ASB3: variants seen among roughly 807,000 people sequenced by gnomAD.
ASB3 encodes the protein ankyrin repeat and SOCS box protein 3.
ASB3 carries 41 observed loss-of-function variants against 54.5 expected under a neutral mutation model. That is an observed-to-expected ratio of 0.75 (90% CI 0.59 to 0.98). ASB3 has a LOEUF of 0.98. Ranked by LOEUF, ASB3 falls within the 50% of genes least tolerant of loss-of-function variation. ASB3 has a pLI of 0.00. For missense variants in ASB3, 733 were observed against 620.0 expected (o/e 1.18, Z -1.94); for synonymous variants, 266 against 221.2 (o/e 1.20, Z -1.80).
Position 53,714,431 on chromosome 2 carries a change from G to A in ASB3, c.933C>T (p.Cys311=), listed in dbSNP as rs762295367. The A allele has an allele frequency of 6.8e-6, 11 of 1,614,136 alleles. No homozygotes were observed. The highest frequency in any genetic ancestry group is 2.2e-5 in the East Asian group (1 of 44,878). ...CAGGAGAACTGAATCCAAAAACAAG[G>A]CACGCCTGGGCGTCTGGGCTGTAGC... is the stretch of plus-strand genomic sequence containing the variant. ...RNGYSPDAQA[C]LVFGFSSPVC... is the part of the protein sequence containing the mutation. The change falls in exon 7 of 10, where the codon TGC becomes TGT. Residue 311 remains cysteine (C), a synonymous_variant. Transcript: ENST00000263634.
At chr2:53,741,211 T>C (rs1365356688) in intron 3 of ASB3, among the ~76,000 whole-genome samples, 1 of 152,240 alleles carries the variant, frequency 6.6e-6, no homozygotes, top group Non-Finnish European at 1.5e-5. Flanking sequence ...TACTAACCAA[T>C]GATAATCACA....
At chr2:53,778,676 T>C (rs1294358910) in intron 1 of ASB3, among the ~76,000 whole-genome samples, 3 of 152,246 alleles carry the variant, frequency 2.0e-5, no homozygotes, top group Non-Finnish European at 4.4e-5. Flanking sequence ...TTTAGCTTAA[T>C]GTTCTCCAAT....
chr2:53,733,218 T>C (rs1671417974), intron 3 of ASB3, among the ~76,000 whole-genome samples: 1 of 152,194 alleles, frequency 6.6e-6, no homozygotes, highest in South Asian at 2.1e-4. Flanking sequence ...TTGAGAGCTA[T>C]CTAGATGTAG....
At chr2:53,738,221 G>A (rs867328573) in intron 3 of ASB3, among the ~76,000 whole-genome samples, 1 of 152,192 alleles carries the variant, frequency 6.6e-6, no homozygotes, top group East Asian at 1.9e-4. Flanking sequence ...AGCAAAACTA[G>A]TTGGCTAAGC....
intron 3 of ASB3, among the ~76,000 whole-genome samples, chr2:53,734,156 G>A (rs1422971012): frequency 6.6e-6 from 1 of 152,196 alleles, no homozygotes; most frequent in African/African-American, 2.4e-5. Flanking sequence ...TCACAGTGCT[G>A]CAGAGATTTT....
At chr2:53,768,171 T>C in intron 1 of ASB3, 2 of 896,240 alleles carry the variant, frequency 2.2e-6, no homozygotes. Flanking sequence ...AGATTTTCCC[T>C]GCCACCTGCC....
rs1669417193 is a variant in ASB3 at position 53,700,326 on chromosome 2, A to G, written c.1183T>C (p.Leu395=). 1 of 1,614,026 alleles carries G rather than the reference A, an allele frequency of 6.2e-7. No individual in the cohort carries two copies. Among genetic ancestry groups the G allele is most frequent in the African/African-American group, 1.3e-5 (1 of 74,948 alleles). Residue 395 remains leucine (L), a synonymous_variant, in exon 8 of 10, where the codon TTG becomes CTG. Transcript: ENST00000263634. ...AATCCAGCAACCAGAAGATGTGGCA[A>G]CCACTCCTTATATTTTGCTTGTGCT... ...IKAQAKYKEW[L]PHLLVAGFDP...
intron 3 of ASB3, 37 bp downstream of exon 3, chr2:53,750,746 T>A: frequency 7.0e-7 from 1 of 1,438,120 alleles, no homozygotes; most frequent in Non-Finnish European, 9.2e-7. Context: ...ATAATAATGA[T>A]GAAAAATTGC....
intron 3 of ASB3, among the ~76,000 whole-genome samples, chr2:53,742,767 C>G (rs1471284929): frequency 6.6e-6 from 1 of 150,702 alleles, no homozygotes. Context: ...AACAAAAACA[C>G]AGAGAAAGAA....
intron 3 of ASB3, among the ~76,000 whole-genome samples, chr2:53,736,179 T>A (rs182974864): frequency 6.6e-6 from 1 of 152,114 alleles, no homozygotes; most frequent in Non-Finnish European, 1.5e-5. Flanking sequence ...ATGAGAAAAT[T>A]TGTGCAGGAA....
intron 4 of ASB3, 124 bp from the exon 5 acceptor site, chr2:53,728,971 A>G (rs1671155634): frequency 8.1e-6 from 9 of 1,114,366 alleles, no homozygotes; most frequent in Non-Finnish European, 1.1e-5. Flanking sequence ...AGGAAAAAAC[A>G]AAACAGTATA....
At chr2:53,780,744 C>T (rs1310778363) in intron 1 of ASB3, among the ~76,000 whole-genome samples, 2 of 152,216 alleles carry the variant, frequency 1.3e-5, no homozygotes, top group Admixed American at 6.5e-5. Flanking sequence ...GGCCCCTACA[C>T]TTCAGCCTGA....
intron 1 of ASB3, chr2:53,767,663 A>C (rs978644022): frequency 1.8e-6 from 1 of 568,408 alleles, no homozygotes; most frequent in Non-Finnish European, 3.1e-6. Flanking sequence ...ACTACACCGA[A>C]GGTCAATGCC....
chr2:53,702,485 C>T (rs1403483251), intron 7 of ASB3, among the ~76,000 whole-genome samples: 1 of 152,136 alleles, frequency 6.6e-6, no homozygotes, highest in East Asian at 1.9e-4. Flanking sequence ...TCTCTTAACA[C>T]TTCAACAAAT....
intron 9 of ASB3, among the ~76,000 whole-genome samples, chr2:53,678,845 C>A (rs903749176): frequency 6.6e-6 from 1 of 152,160 alleles, no homozygotes; most frequent in African/African-American, 2.4e-5. Flanking sequence ...ATTTTCCATG[C>A]CTTGCTACAC....
intron 3 of ASB3, among the ~76,000 whole-genome samples, chr2:53,744,220 CA>C (rs545399769): frequency 2.6e-3 from 340 of 132,210 alleles, no homozygotes; most frequent in Middle Eastern, 7.5e-3. Context: ...ACTAAAAATA[CA>C]AAAAAAAAAA....
chr2:53,673,911 G>C (rs531603162), intron 9 of ASB3, among the ~76,000 whole-genome samples: 6 of 152,318 alleles, frequency 3.9e-5, no homozygotes, highest in Non-Finnish European at 8.8e-5. Flanking sequence ...TGAACTGAGG[G>C]AGTGTTTCAT....
rs568153397 is a variant in ASB3 at position 53,698,360 on chromosome 2, G to T, written c.1238+1911C>A. On this transcript the variant is annotated intron_variant, in intron 8 of 9. Transcript: ENST00000263634. ...TCAGCAAAGGGTTGCTAGTCACAACGTTGGGTTCCTCTCCTGAAAATTCTC... is the reference window on the plus strand; with the variant it reads ...TCAGCAAAGGGTTGCTAGTCACAACTTTGGGTTCCTCTCCTGAAAATTCTC... Among the ~76,000 whole-genome samples the T allele has an allele frequency of 9.2e-5, 14 of 152,264 alleles. 1 individual carries two copies. The South Asian group carries it at 2.7e-3, about 29-fold the overall frequency.
intron 7 of ASB3, among the ~76,000 whole-genome samples, chr2:53,711,668 G>A (rs1670105362): frequency 6.6e-6 from 1 of 152,090 alleles, no homozygotes; most frequent in Admixed American, 6.6e-5. Context: ...CAGCTACTTG[G>A]GTGGCTGAGA....
Sources: allele counts gnomAD v4.1 joint callset (sites outside exome capture counted in the v4.1 genomes callset), GRCh38; gene constraint gnomAD v4.1.1; transcripts MANE v1.5; gene names NCBI Gene and HGNC (gene_info 2026-07-23, HGNC 2026-07-21).